RAD23B: variants seen among roughly 807,000 people sequenced by gnomAD.
RAD23B encodes the protein RAD23 nucleotide excision repair protein B.
RAD23B carries 5 observed loss-of-function variants against 49.1 expected under a neutral mutation model. The ratio of observed to expected loss-of-function variants is 0.10; its 90% CI spans 0.05 to 0.21. The LOEUF (loss-of-function observed/expected upper bound fraction) is 0.21, where lower values mean the gene tolerates loss of function less well. RAD23B is among the 10% of genes least tolerant of loss of function. The probability of loss-of-function intolerance (pLI) is 1.00; values close to 1 mark genes in which losing one functional copy is unlikely to be tolerated. For missense variants in RAD23B, 356 were observed against 486.7 expected, an observed-to-expected ratio of 0.73 and a Z score of 2.53; for synonymous variants, 184 against 165.4, an observed-to-expected ratio of 1.11 and a Z score of -0.86.
At chr9:107,291,277 G>C (rs1362997080) in intron 1 of RAD23B, among the ~76,000 whole-genome samples, 2 of 152,100 alleles carry the variant, frequency 1.3e-5, no homozygotes, top group African/African-American at 2.4e-5. Context: ...TGGGAATTCT[G>C]CTTACTCAGT....
Position 107,322,060 on chromosome 9 carries a change from A to G in RAD23B, c.759A>G (p.Ser253=), listed in dbSNP as rs756490316. 1.4e-5 allele frequency: 23 copies of G among 1,613,242 alleles called. No individual in the cohort carries two copies. Among genetic ancestry groups the G allele is most frequent in the Non-Finnish European group, 1.9e-5 (22 of 1,179,560 alleles). ...QAASTGAPQS[S]AVAAAAATTT... is the part of the protein sequence containing the mutation. ...CTAGTACTGGGGCTCCTCAGTCTTC[A>G]GCAGTGGCTGCAGCTGCAGCAACTA... The change falls in exon 7 of 10, where the codon TCA becomes TCG. Residue 253 remains serine, a synonymous_variant. Coordinates refer to ENST00000358015, the MANE Select transcript of RAD23B (RefSeq NM_002874.5).
intron 4 of RAD23B, among the ~76,000 whole-genome samples, chr9:107,309,647 G>A (rs561349329): frequency 6.6e-6 from 1 of 152,146 alleles, no homozygotes; most frequent in East Asian, 1.9e-4. Flanking sequence ...AAAACAATGT[G>A]TGGGCCGGGC....
chr9:107,325,313 CAAAA>C lies in RAD23B; in HGVS notation c.1116+334_1116+337del, dbSNP rs34042765. Among the ~76,000 whole-genome samples, 214 of 61,346 alleles carry C rather than the reference CAAAA, an allele frequency of 3.5e-3. 1 individual carries two copies. Among genetic ancestry groups the C allele is most frequent in the African/African-American group, 0.012 (188 of 15,182 alleles). 40.2% of individuals were successfully genotyped at this position (61,346 alleles called of 152,430 possible). On this transcript the variant is annotated intron_variant, in intron 9 of 9. Coordinates refer to ENST00000358015, the MANE Select transcript of RAD23B (RefSeq NM_002874.5). ...TGGGCAACAGAGTGAGACTCTGTCT[CAAAA>C]AAAAAAAAAAAAAAAAAAAAAAAAT...
chr9:107,306,029 G>T (rs1826754178), intron 3 of RAD23B, among the ~76,000 whole-genome samples: 1 of 122,338 alleles, frequency 8.2e-6, no homozygotes, highest in South Asian at 2.8e-4. Flanking sequence ...AAGTTTTTTT[G>T]GGAAAATGAT....
Position 107,283,650 on chromosome 9 carries a change from C to A in RAD23B, c.21C>A (p.Thr7=). 2.0e-6 allele frequency: 3 copies of A among 1,486,132 alleles called. No homozygotes were observed. The highest frequency in any genetic ancestry group is 1.3e-5 in the South Asian group (1 of 78,932). The allele number at this position is 1,486,132 out of a possible 1,614,324, so 92.1% of individuals were successfully genotyped here. MQVTLK[T]LQQQTFKIDI... is the part of the protein sequence containing the mutation. The stretch of plus-strand genomic sequence containing the variant: ...GCACCATGCAGGTCACCCTGAAGAC[C>A]CTCCAGCAGCAGACCTTCAAGATAG... The change falls in exon 1 of 10, where the codon ACC becomes ACA. Residue 7 remains threonine, a synonymous_variant. Coordinates refer to ENST00000358015, the MANE Select transcript of RAD23B (RefSeq NM_002874.5).
intron 9 of RAD23B, 105 bp downstream of exon 9, chr9:107,325,109 G>T: frequency 1.8e-6 from 2 of 1,094,718 alleles, no homozygotes; most frequent in Non-Finnish European, 2.6e-6. Context: ...GAGGTCAGGA[G>T]TTCAAGACCA....
At position 107,306,465 on chromosome 9, in the gene RAD23B, A is replaced by G; in HGVS notation, c.315A>G (p.Thr105=). The G allele has an allele frequency of 6.2e-7, 1 of 1,614,140 alleles. No homozygotes were observed. Among genetic ancestry groups the G allele is most frequent in the Middle Eastern group, 1.6e-4 (1 of 6,062 alleles). The part of the protein sequence containing the change: ...STTAVTSSTT[T]TVAQAPTPVP... ...CAGCAGTTACTTCCTCCACCACCAC[A>G]ACTGTGGCTCAGGCTCCAACCCCTG... The change falls in exon 4 of 10, where the codon ACA becomes ACG. Residue 105 remains threonine (T), a synonymous_variant. Coordinates refer to ENST00000358015, the MANE Select transcript of RAD23B (RefSeq NM_002874.5).
intron 1 of RAD23B, 145 bp downstream of exon 1, chr9:107,283,840 C>T (rs1188970380): frequency 4.3e-6 from 4 of 926,492 alleles, no homozygotes; most frequent in Admixed American, 4.6e-5. Flanking sequence ...GCCCTGGCGG[C>T]GTACAGCGGA....
At chr9:107,289,142 C>T (rs1833336465) in intron 1 of RAD23B, among the ~76,000 whole-genome samples, 1 of 133,852 alleles carries the variant, frequency 7.5e-6, no homozygotes. Context: ...CCTTTCCTCT[C>T]CTTCCCTCCT....
chr9:107,300,186 G>T lies in RAD23B; in HGVS notation c.112G>T (p.Ala38Ser). The change falls in exon 2 of 10, where the codon GCC becomes TCC. Residue 38 changes from alanine to serine, a missense_variant. Physicochemically the swap from Ala to Ser is moderately conservative, Grantham distance 99 (BLOSUM62 1). Around this residue, in one of 5 missense-constraint regions of RAD23B, gnomAD observed 32 missense variants for 62.3 expected, o/e 0.51. Coordinates refer to ENST00000358015, the MANE Select transcript of RAD23B (RefSeq NM_002874.5). ...GATTGAATCTGAAAAGGGGAAAGAT[G>T]CCTTTCCAGTAGCAGGTCAAAAATT... ...EKIESEKGKD[A>S]FPVAGQKLIY... 1 of 1,609,220 alleles carries T rather than the reference G, an allele frequency of 6.2e-7. No homozygotes were observed. The highest frequency in any genetic ancestry group is 1.7e-5 in the Admixed American group (1 of 59,588).
chr9:107,289,668 C>G (rs1160037100), intron 1 of RAD23B, among the ~76,000 whole-genome samples: 4 of 152,164 alleles, frequency 2.6e-5, no homozygotes, highest in Admixed American at 2.6e-4. Context: ...TTGAGAGGTA[C>G]AGTTGGCTGT....
At chr9:107,287,556 T>C (rs1279778826) in intron 1 of RAD23B, among the ~76,000 whole-genome samples, 1 of 152,188 alleles carries the variant, frequency 6.6e-6, no homozygotes, top group East Asian at 1.9e-4. Context: ...ACCTCTATAA[T>C]GTGATTGTTA....
chr9:107,301,628 C>T (rs974437182), intron 2 of RAD23B, among the ~76,000 whole-genome samples: 9 of 152,158 alleles, frequency 5.9e-5, no homozygotes, highest in Admixed American at 5.9e-4. Context: ...TCCTTGAACT[C>T]CTGAGCTCAG....
chr9:107,293,030 T>C (rs1313228834), intron 1 of RAD23B, among the ~76,000 whole-genome samples: 1 of 152,218 alleles, frequency 6.6e-6, no homozygotes, highest in East Asian at 1.9e-4. Flanking sequence ...ATTTAAGGAC[T>C]TCATTCTATG....
chr9:107,297,012 G>T (rs533143240), intron 1 of RAD23B, among the ~76,000 whole-genome samples: 32 of 151,828 alleles, frequency 2.1e-4, no homozygotes, highest in Non-Finnish European at 2.2e-4. Context: ...GCACCACCAT[G>T]CCCGGCTAAT....
chr9:107,307,373 C>T (rs551660346), intron 4 of RAD23B, among the ~76,000 whole-genome samples: 2 of 152,320 alleles, frequency 1.3e-5, no homozygotes, highest in South Asian at 2.1e-4. Flanking sequence ...TCTCCCCAGA[C>T]GATCAGGTAA....
At chr9:107,324,238 T>A (rs1439352148) in intron 8 of RAD23B, among the ~76,000 whole-genome samples, 1 of 152,240 alleles carries the variant, frequency 6.6e-6, no homozygotes, top group Non-Finnish European at 1.5e-5. Flanking sequence ...GTAGTAAGTT[T>A]GGGAAACATT....
At chr9:107,306,311 C>T in intron 3 of RAD23B, 68 bp from the exon 4 acceptor site, 1 of 1,474,984 alleles carries the variant, frequency 6.8e-7, no homozygotes, top group Non-Finnish European at 9.3e-7. Flanking sequence ...TGTAACGGTA[C>T]AGTCTAATTA....
chr9:107,324,173 G>A (rs1033768550), intron 8 of RAD23B, among the ~76,000 whole-genome samples, 156 bp downstream of exon 8: 1 of 152,152 alleles, frequency 6.6e-6, no homozygotes, highest in African/African-American at 2.4e-5. Flanking sequence ...CTAGATAGGT[G>A]TACTAAAAAA....
Sources: gnomAD v4.1 joint callset for allele counts (sites outside exome capture counted in the v4.1 genomes callset) on GRCh38, gnomAD v4.1.1 for gene constraint, gnomAD v4.1.1 regional missense constraint, MANE v1.5 for transcripts, NCBI Gene and HGNC (gene_info 2026-07-23, HGNC 2026-07-21) for gene names.